HIP1: variants seen among roughly 807,000 people sequenced by gnomAD.
The protein encoded by HIP1 is huntingtin-interacting protein 1.
Under a neutral mutation model 147.6 loss-of-function variants are expected in HIP1, and 65 were observed. That is an observed-to-expected ratio of 0.44 (90% CI 0.36 to 0.54). The LOEUF is 0.54. HIP1 is among the 20% of genes least tolerant of loss of function. The pLI, the probability that HIP1 is intolerant of heterozygous loss-of-function variation, is 0.00. For missense variants in HIP1, 1,061 were observed against 1,299.6 expected (o/e 0.82, Z 2.82); for synonymous variants, 479 against 504.0 (o/e 0.95, Z 0.67).
chr7:75,699,448 T>C (rs1374884394), intron 1 of HIP1, among the ~76,000 whole-genome samples: 1 of 152,158 alleles, frequency 6.6e-6, no homozygotes, highest in Admixed American at 6.5e-5. Flanking sequence ...AACAAGGTTC[T>C]AGGCTGGTTC....
intron 17 of HIP1, among the ~76,000 whole-genome samples, chr7:75,556,486 A>G (rs1477918081): frequency 1.3e-5 from 2 of 152,142 alleles, no homozygotes; most frequent in Non-Finnish European, 2.9e-5. Flanking sequence ...GTTCGAGACC[A>G]GCCTGGGCAA....
chr7:75,603,423 G>A (rs1554503365), intron 1 of HIP1, among the ~76,000 whole-genome samples: 1 of 151,782 alleles, frequency 6.6e-6, no homozygotes, highest in East Asian at 1.9e-4. Context: ...GTGAGAGAAT[G>A]CAGCCACCCA....
In HIP1 at chr7:75,599,266, G is replaced by A; in HGVS notation, c.121-19C>T. 6.3e-7 allele frequency: 1 copy of A among 1,582,676 alleles called. No individual in the cohort carries two copies. The highest frequency in any genetic ancestry group is 8.7e-7 in the Non-Finnish European group (1 of 1,151,438). On this transcript the variant is annotated intron_variant, in intron 1 of 30. Transcript: ENST00000336926. ...TGACAGTCTGAAAAACAAGAAGGGG[G>A]GAGGGAAAGGAGGATGAGATGAATA...
intron 1 of HIP1, among the ~76,000 whole-genome samples, chr7:75,667,762 A>G (rs150082787): frequency 2.1e-3 from 323 of 152,360 alleles, no homozygotes; most frequent in African/African-American, 6.9e-3. Flanking sequence ...AAGTGCTGGG[A>G]TTACAGGCAT....
At chr7:75,541,868 G>A in intron 29 of HIP1, 51 bp downstream of exon 29, 1 of 1,303,714 alleles carries the variant, frequency 7.7e-7, no homozygotes, top group Non-Finnish European at 1.1e-6. Flanking sequence ...AATATTCAGA[G>A]TCCATGTCTA....
intron 7 of HIP1, among the ~76,000 whole-genome samples, chr7:75,577,412 T>C (rs1795885900): frequency 6.6e-6 from 1 of 151,638 alleles, no homozygotes; most frequent in South Asian, 2.1e-4. Context: ...TTACATAGTG[T>C]TAACTTTCAG....
At chr7:75,605,759 C>T (rs782589952) in intron 1 of HIP1, among the ~76,000 whole-genome samples, 2 of 152,220 alleles carry the variant, frequency 1.3e-5, no homozygotes, top group Admixed American at 6.5e-5. Flanking sequence ...TGTTCTCAAA[C>T]TCCTGTCCTG....
At chr7:75,631,186 C>G (rs1584900928) in intron 1 of HIP1, among the ~76,000 whole-genome samples, 1 of 151,598 alleles carries the variant, frequency 6.6e-6, no homozygotes, top group South Asian at 2.1e-4. Context: ...TTTTCCCAGG[C>G]TGGTCTTGAA....
intron 1 of HIP1, among the ~76,000 whole-genome samples, chr7:75,602,796 C>T (rs1414981360): frequency 4.8e-5 from 7 of 146,996 alleles, no homozygotes; most frequent in East Asian, 4.1e-4. Context: ...TATATAATCA[C>T]GCCCAACCCC....
At position 75,598,191 on chromosome 7, in the gene HIP1, G is replaced by A. The variant is rs587693944; in HGVS notation, c.184+993C>T. On this transcript the variant is annotated intron_variant, in intron 2 of 30. Transcript: ENST00000336926. ...GCACTTTAGGAGGCTGAGGCCAGGC[G>A]TTCAAGGCCAGCCTGGCCAACATGG... Among the ~76,000 whole-genome samples, 7 of 152,108 alleles carry A rather than the reference G, an allele frequency of 4.6e-5. No homozygotes were observed. The East Asian group carries it at 9.7e-4, about 21-fold the overall frequency.
chr7:75,536,942 G>A lies in HIP1; in HGVS notation c.*1230C>T, dbSNP rs1389846544. 4.3e-6 allele frequency: 1 copy of A among 231,348 alleles called. No homozygotes were observed. The highest frequency in any genetic ancestry group is 2.2e-5 in the African/African-American group (1 of 45,202). 14.3% of individuals were successfully genotyped at this position (231,348 alleles called of 1,614,324 possible). On this transcript the variant is annotated 3_prime_UTR_variant, in exon 31 of 31. Transcript: ENST00000336926. ...AGTATAGGGTTCTTCCCTGATGGGA[G>A]CAATTGCATCTGATCTTCCGGGTTT...
intron 1 of HIP1, among the ~76,000 whole-genome samples, chr7:75,718,933 T>C (rs1801405934): frequency 6.6e-6 from 1 of 151,976 alleles, no homozygotes; most frequent in South Asian, 2.1e-4. Flanking sequence ...ATCCCTCAAC[T>C]CAGGCCTAAT....
At chr7:75,546,104 A>G (rs1794553103) in intron 25 of HIP1, among the ~76,000 whole-genome samples, 1 of 152,206 alleles carries the variant, frequency 6.6e-6, no homozygotes, top group South Asian at 2.1e-4. Context: ...TATTGTATAT[A>G]TAAGAATAAA....
At chr7:75,575,969 A>G (rs1417769188) in intron 7 of HIP1, among the ~76,000 whole-genome samples, 1 of 151,814 alleles carries the variant, frequency 6.6e-6, no homozygotes, top group East Asian at 1.9e-4. Context: ...TCTTCTTGAC[A>G]CAAATTAAAA....
intron 2 of HIP1, among the ~76,000 whole-genome samples, chr7:75,593,050 C>G (rs1554501104): frequency 6.6e-6 from 1 of 152,118 alleles, no homozygotes. Context: ...CTCACTGTAA[C>G]CTCAAACTCC....
chr7:75,716,826 A>G (rs2868138), intron 1 of HIP1, among the ~76,000 whole-genome samples: 92,561 of 144,188 alleles, frequency 0.64, 28,593 homozygotes, highest in Middle Eastern at 0.69. Flanking sequence ...GCTTTTTTTT[A>G]GGGGGGGGGA....
At chr7:75,609,908 T>C (rs1449334964) in intron 1 of HIP1, among the ~76,000 whole-genome samples, 3 of 148,886 alleles carry the variant, frequency 2.0e-5, no homozygotes, top group South Asian at 2.1e-4. Flanking sequence ...CTTTTCTTTT[T>C]TTTTTTTTTT....
intron 1 of HIP1, among the ~76,000 whole-genome samples, chr7:75,678,592 C>G (rs181428918): frequency 5.3e-5 from 8 of 152,176 alleles, no homozygotes; most frequent in African/African-American, 1.9e-4. Flanking sequence ...GATCCACCTG[C>G]CTCGGCCTCC....
intron 1 of HIP1, among the ~76,000 whole-genome samples, chr7:75,633,295 G>T (rs1179629): frequency 0.48 from 72,717 of 151,822 alleles, 18,034 homozygotes; most frequent in African/African-American, 0.61. Flanking sequence ...TATTTCACTC[G>T]TGTTTTTATT....
Sources: allele counts gnomAD v4.1 joint callset (sites outside exome capture counted in the v4.1 genomes callset), GRCh38; gene constraint gnomAD v4.1.1; transcripts MANE v1.5; gene names NCBI Gene and HGNC (gene_info 2026-07-23, HGNC 2026-07-21).